The following DLG2 variants were observed in gnomAD, a reference collection of about 807,000 sequenced individuals.
DLG2 encodes disks large homolog 2.
In DLG2, 45 loss-of-function variants were observed where a neutral mutation model predicts 132.5. That is an observed-to-expected ratio of 0.34 (90% confidence interval 0.27 to 0.44). The LOEUF (loss-of-function observed/expected upper bound fraction) is 0.44. Among genes scored for constraint, DLG2 ranks in the 20% least tolerant of loss-of-function variants. The probability of loss-of-function intolerance (pLI) is 1.00; values close to 1 mark genes in which losing one functional copy is unlikely to be tolerated. For synonymous variants in DLG2, 424 were observed against 419.6 expected (o/e 1.01, Z -0.13); for missense variants, 1,045 against 1,196.9 (o/e 0.87, Z 1.87).
chr11:84,628,107 C>CATATATAT (rs35268909), intron 6 of DLG2, among the ~76,000 whole-genome samples: 1 of 149,906 alleles, frequency 6.7e-6, no homozygotes, highest in South Asian at 2.1e-4. Flanking sequence ...TATATACACA[C>CATATATAT]ATATATATAT....
intron 14 of DLG2, 23 bp from the exon 15 acceptor site, chr11:83,930,506 A>C (rs2079960790): frequency 1.2e-6 from 2 of 1,611,724 alleles, no homozygotes; most frequent in African/African-American, 2.7e-5. Flanking sequence ...GAGGAAGAGA[A>C]AGATATGCAT....
chr11:85,287,474 T>C (rs1005152738), intron 3 of DLG2, among the ~76,000 whole-genome samples: 1 of 152,136 alleles, frequency 6.6e-6, no homozygotes, highest in Non-Finnish European at 1.5e-5. Flanking sequence ...AAATGCCATT[T>C]ACATCAAAAA....
intron 7 of DLG2, among the ~76,000 whole-genome samples, chr11:84,278,103 G>T (rs940682222): frequency 2.1e-5 from 3 of 142,432 alleles, no homozygotes; most frequent in African/African-American, 7.9e-5. Context: ...GCCCAGGCTG[G>T]TCCTGAACTC....
At chr11:85,425,033 C>CAAAA (rs2090603920) in intron 3 of DLG2, among the ~76,000 whole-genome samples, 3 of 30,612 alleles carry the variant, frequency 9.8e-5, no homozygotes, top group Non-Finnish European at 2.3e-4. Flanking sequence ...AACAAACAAA[C>CAAAA]AAACAAAAAA....
chr11:83,963,136 G>A, intron 13 of DLG2, 113 bp from the exon 14 acceptor site: 1 of 1,185,666 alleles, frequency 8.4e-7, no homozygotes, highest in South Asian at 1.5e-5. Flanking sequence ...GCATGCCAAG[G>A]TTTTTCTTGT....
chr11:85,153,517 G>A (rs2077400520), intron 5 of DLG2, among the ~76,000 whole-genome samples: 1 of 151,802 alleles, frequency 6.6e-6, no homozygotes, highest in Non-Finnish European at 1.5e-5. Context: ...CTAGGACTCT[G>A]GAATATCAAA....
chr11:85,372,845 C>G (rs2085096132), intron 3 of DLG2, among the ~76,000 whole-genome samples: 1 of 152,268 alleles, frequency 6.6e-6, no homozygotes, highest in East Asian at 1.9e-4. Flanking sequence ...CTGAAGTACC[C>G]CTGGTATCTG....
At chr11:84,780,191 C>A (rs556899312) in intron 6 of DLG2, among the ~76,000 whole-genome samples, 1 of 152,122 alleles carries the variant, frequency 6.6e-6, no homozygotes, top group South Asian at 2.1e-4. Context: ...ACACCATGAT[C>A]AAATGGTTTT....
chr11:85,593,586 A>G (rs1297376735), intron 3 of DLG2, among the ~76,000 whole-genome samples: 1 of 152,234 alleles, frequency 6.6e-6, no homozygotes, highest in Non-Finnish European at 1.5e-5. Flanking sequence ...ATAAACTAAA[A>G]GAATAATAAA....
intron 3 of DLG2, among the ~76,000 whole-genome samples, chr11:85,527,241 C>T (rs1004999369): frequency 6.0e-5 from 9 of 150,430 alleles, no homozygotes; most frequent in Non-Finnish European, 1.0e-4. Flanking sequence ...GGGTTTGTTA[C>T]ATAGATATAC....
intron 6 of DLG2, among the ~76,000 whole-genome samples, chr11:84,916,276 G>A (rs1737041033): frequency 6.9e-6 from 1 of 145,706 alleles, no homozygotes; most frequent in African/African-American, 2.5e-5. Flanking sequence ...GTGAACCCGG[G>A]AGGCGGAGCA....
chr11:84,209,775 T>A (rs186812372), intron 8 of DLG2, among the ~76,000 whole-genome samples: 1 of 152,200 alleles, frequency 6.6e-6, no homozygotes, highest in African/African-American at 2.4e-5. Flanking sequence ...TGCCACTCAC[T>A]GGAATAGCTA....
At chr11:83,790,998 G>A (rs2041385572) in intron 17 of DLG2, 2 of 793,844 alleles carry the variant, frequency 2.5e-6, no homozygotes, top group South Asian at 3.3e-5. Flanking sequence ...CTGAGAAGCC[G>A]AGCTTTTCAG....
intron 15 of DLG2, among the ~76,000 whole-genome samples, chr11:83,892,252 A>G (rs560335779): frequency 6.6e-6 from 1 of 152,314 alleles, no homozygotes; most frequent in South Asian, 2.1e-4. Context: ...GCTTTCTAAG[A>G]TTTTAAATTT....
rs186607479 is a variant in DLG2, at chr11:83,584,690, C to T, written c.1941-42832G>A. On this transcript the variant is annotated intron_variant, in intron 19 of 27. Transcript: ENST00000376104. ...AAAGATAGAGGATTTTTGAGCAATA[C>T]GCTGAGCCATTGCCATTCCACAGAA... 9.9e-5 allele frequency among the ~76,000 whole-genome samples: 15 copies of T among 152,256 alleles called. No homozygotes were observed. The East Asian group carries it at 2.1e-3, about 22-fold the overall frequency.
chr11:84,928,692 T>C (rs1299640909), intron 6 of DLG2, among the ~76,000 whole-genome samples: 1 of 151,734 alleles, frequency 6.6e-6, no homozygotes, highest in Non-Finnish European at 1.5e-5. Context: ...AAACCCTGAA[T>C]CAATTTACTA....
At chr11:83,672,114 G>T (rs1278156735) in intron 18 of DLG2, among the ~76,000 whole-genome samples, 1 of 152,066 alleles carries the variant, frequency 6.6e-6, no homozygotes, top group Non-Finnish European at 1.5e-5. Flanking sequence ...GAAACATTGA[G>T]GCCTTCCTTG....
At chr11:84,591,619 C>A (rs919324192) in intron 6 of DLG2, among the ~76,000 whole-genome samples, 6 of 151,608 alleles carry the variant, frequency 4.0e-5, no homozygotes, top group Admixed American at 6.6e-5. Flanking sequence ...TAAGATCATG[C>A]CACTGCACTC....
At chr11:84,732,018 T>C (rs1206518785) in intron 6 of DLG2, among the ~76,000 whole-genome samples, 2 of 152,074 alleles carry the variant, frequency 1.3e-5, no homozygotes, top group Admixed American at 6.6e-5. Flanking sequence ...AAGAGGTTTA[T>C]ATAAATGAAA....
Sources: gnomAD v4.1 joint callset for allele counts (sites outside exome capture counted in the v4.1 genomes callset) on GRCh38, gnomAD v4.1.1 for gene constraint, MANE v1.5 for transcripts, NCBI Gene and HGNC (gene_info 2026-07-23, HGNC 2026-07-21) for gene names.